MAPK10: variants seen among roughly 807,000 people sequenced by gnomAD.
MAPK10 encodes JNK3 alpha protein kinase.
Under a neutral mutation model 59.3 loss-of-function variants are expected in MAPK10, and 25 were observed. The ratio of observed to expected loss-of-function variants is 0.42; its 90% confidence interval spans 0.31 to 0.59. The LOEUF is 0.59. MAPK10 is among the 20% of genes least tolerant of loss of function. MAPK10 has a pLI of 0.15. For synonymous variants in MAPK10, 190 were observed against 200.5 expected, an observed-to-expected ratio of 0.95 and a Z score of 0.44; for missense variants, 351 against 568.9, an observed-to-expected ratio of 0.62 and a Z score of 3.90.
chr4:86,339,213 C>A (rs928943070), intron 2 of MAPK10, among the ~76,000 whole-genome samples: 4 of 152,098 alleles, frequency 2.6e-5, no homozygotes, highest in African/African-American at 9.7e-5. Flanking sequence ...GGGCCTCAGG[C>A]AGAGTCATGC....
chr4:86,507,671 T>TAAAA (rs1365419120), intron 1 of MAPK10, among the ~76,000 whole-genome samples: 2 of 102,606 alleles, frequency 1.9e-5, no homozygotes, highest in African/African-American at 7.8e-5. Flanking sequence ...TATATATATA[T>TAAAA]AAAATCATGT....
intron 4 of MAPK10, among the ~76,000 whole-genome samples, chr4:86,128,045 C>G (rs2060353502): frequency 6.6e-6 from 1 of 152,050 alleles, no homozygotes; most frequent in Non-Finnish European, 1.5e-5. Flanking sequence ...ATATATAGCA[C>G]AGGCTGTCAT....
chr4:86,155,905 T>C (rs538951524), intron 4 of MAPK10, among the ~76,000 whole-genome samples: 9 of 152,124 alleles, frequency 5.9e-5, no homozygotes, highest in Admixed American at 3.9e-4. Context: ...CAACAGTTGC[T>C]CTGATAACTG....
At chr4:86,233,199 T>C (rs1236530113) in intron 2 of MAPK10, among the ~76,000 whole-genome samples, 2 of 152,192 alleles carry the variant, frequency 1.3e-5, no homozygotes, top group African/African-American at 4.8e-5. Context: ...TCTTTGCTTA[T>C]AGTCAAATAT....
intron 2 of MAPK10, among the ~76,000 whole-genome samples, chr4:86,313,902 G>A (rs1326441951): frequency 6.6e-6 from 1 of 152,036 alleles, no homozygotes; most frequent in Non-Finnish European, 1.5e-5. Context: ...GTGCAAGAAC[G>A]TTCAAAAGAG....
chr4:86,358,339 A>G (rs1564699684), intron 1 of MAPK10: 1 of 985,402 alleles, frequency 1.0e-6, no homozygotes. Context: ...AGAAGGAGAT[A>G]TTGGATGTTG....
In MAPK10 at chr4:86,421,626, A is replaced by C. The variant is rs2149033799; in HGVS notation, c.-122+31404T>G. Among the ~76,000 whole-genome samples, 3 of 152,292 alleles carry C rather than the reference A, an allele frequency of 2.0e-5. No individual in the cohort carries two copies. The South Asian group carries it at 6.2e-4, about 32-fold the overall frequency. Reference sequence around the variant, plus strand: ...GGAAGAAGGAGGCTGCTCCAGGCACAGGGAATACAAAGCACAAAGGCAAGG... The same window carrying C: ...GGAAGAAGGAGGCTGCTCCAGGCACCGGGAATACAAAGCACAAAGGCAAGG... On this transcript the variant is annotated intron_variant, in intron 1 of 13. Coordinates refer to the MAPK10 transcript ENST00000361569.
At chr4:86,569,941 C>T (rs539981632) in intron 1 of MAPK10, among the ~76,000 whole-genome samples, 22 of 151,908 alleles carry the variant, frequency 1.4e-4, no homozygotes, top group Non-Finnish European at 2.2e-4. Context: ...ACTTGTACCC[C>T]TAAGTCCAGA....
intron 1 of MAPK10, among the ~76,000 whole-genome samples, chr4:86,593,479 G>T (rs1373562522): frequency 6.6e-6 from 1 of 152,322 alleles, no homozygotes; most frequent in South Asian, 2.1e-4. Flanking sequence ...TTGCAGCAAG[G>T]AGGGGTACAG....
intron 2 of MAPK10, among the ~76,000 whole-genome samples, chr4:86,317,239 A>T (rs912535511): frequency 8.6e-5 from 13 of 152,026 alleles, no homozygotes; most frequent in Admixed American, 7.9e-4. Flanking sequence ...TTTCTATTAG[A>T]GTCTCTCTCC....
At chr4:86,024,376 G>C (rs1749087086) in intron 13 of MAPK10, 1 of 152,168 alleles carries the variant, frequency 6.6e-6, no homozygotes, top group Non-Finnish European at 1.5e-5. Context: ...TCGTGCTGCA[G>C]GCTATGCTTA....
chr4:86,180,809 T>C (rs546683632), intron 3 of MAPK10, among the ~76,000 whole-genome samples: 1 of 151,834 alleles, frequency 6.6e-6, no homozygotes, highest in East Asian at 1.9e-4. Flanking sequence ...GTTGATCTCA[T>C]AGAAATAAAA....
chr4:86,509,447 C>T (rs916278656), intron 1 of MAPK10, among the ~76,000 whole-genome samples: 1 of 150,796 alleles, frequency 6.6e-6, no homozygotes, highest in African/African-American at 2.4e-5. Context: ...TACACGGGGG[C>T]CAGAAACGCT....
At chr4:86,065,560 A>T (rs2046576031) in intron 10 of MAPK10, 1 of 152,156 alleles carries the variant, frequency 6.6e-6, no homozygotes, top group South Asian at 2.1e-4. Context: ...TTATACTTTA[A>T]GTTCTGGGAT....
chr4:86,158,059 A>T (rs77212577), intron 4 of MAPK10, among the ~76,000 whole-genome samples: 12,865 of 152,046 alleles, frequency 0.085, 1,219 homozygotes, highest in African/African-American at 0.23. Context: ...AATTTAGGAG[A>T]GTTACAGCAA....
intron 3 of MAPK10, among the ~76,000 whole-genome samples, chr4:86,176,654 C>A (rs17011402): frequency 0.14 from 20,993 of 150,460 alleles, 1,483 homozygotes; most frequent in African/African-American, 0.17. Context: ...TAGAAAAAAA[C>A]TGCTCAGCAT....
intron 3 of MAPK10, among the ~76,000 whole-genome samples, chr4:86,187,948 G>T (rs1464062311): frequency 6.6e-6 from 1 of 152,130 alleles, no homozygotes; most frequent in East Asian, 1.9e-4. Flanking sequence ...TCCCCTCCCT[G>T]TGCCCATGTG....
intron 1 of MAPK10, among the ~76,000 whole-genome samples, chr4:86,512,386 C>T (rs79059903): frequency 0.047 from 7,123 of 152,176 alleles, 218 homozygotes; most frequent in African/African-American, 0.059. Flanking sequence ...TATTTGAGAA[C>T]GTGCATAGAA....
At chr4:86,109,638 A>G (rs968462306) in intron 4 of MAPK10, among the ~76,000 whole-genome samples, 2 of 152,146 alleles carry the variant, frequency 1.3e-5, no homozygotes, top group Non-Finnish European at 2.9e-5. Context: ...TCTATCATTG[A>G]TGGGCATTTG....
Sources: allele counts gnomAD v4.1 joint callset (sites outside exome capture counted in the v4.1 genomes callset), GRCh38; gene constraint gnomAD v4.1.1; transcripts MANE v1.5; gene names NCBI Gene and HGNC (gene_info 2026-07-23, HGNC 2026-07-21).